PRKX: variants seen among roughly 807,000 people sequenced by gnomAD.
PRKX encodes the protein protein kinase cAMP-dependent X-linked catalytic subunit.
Under a neutral mutation model 22.0 loss-of-function variants are expected in PRKX, and 12 were observed. The ratio of observed to expected loss-of-function variants is 0.54; its 90% CI spans 0.35 to 0.88. The LOEUF (loss-of-function observed/expected upper bound fraction) is 0.88, where lower values mean the gene tolerates loss of function less well. Among genes scored for constraint, PRKX ranks in the 40% least tolerant of loss-of-function variants. The probability of loss-of-function intolerance (pLI) is 0.01; values close to 1 mark genes in which losing one functional copy is unlikely to be tolerated. For missense variants in PRKX, 217 were observed against 308.0 expected, an observed-to-expected ratio of 0.70 and a Z score of 2.21; for synonymous variants, 134 against 137.7, an observed-to-expected ratio of 0.97 and a Z score of 0.19.
At chrX:3,632,148 C>T (rs1364117394) in intron 4 of PRKX, among the ~76,000 whole-genome samples, 1 of 112,106 alleles carries the variant, frequency 8.9e-6, no homozygotes, top group African/African-American at 3.2e-5. Context: ...GTGGCCCTAA[C>T]ACAGCATTTC....
chrX:3,634,112 C>CGTGT (rs1926840199), intron 4 of PRKX, among the ~76,000 whole-genome samples: 1 of 107,950 alleles, frequency 9.3e-6, no homozygotes, highest in South Asian at 4.1e-4. Flanking sequence ...TAGCCAGGCA[C>CGTGT]GGTGGCACGC....
At chrX:3,651,013 C>T (rs1461637999) in intron 3 of PRKX, among the ~76,000 whole-genome samples, 1 of 109,141 alleles carries the variant, frequency 9.2e-6, no homozygotes, top group Non-Finnish European at 1.9e-5. Context: ...TGTTTGAATC[C>T]TGAATCAGAG....
At chrX:3,646,299 AAG>A (rs61244362) in intron 3 of PRKX, among the ~76,000 whole-genome samples, 1 of 110,748 alleles carries the variant, frequency 9.0e-6, no homozygotes, top group South Asian at 3.8e-4. Flanking sequence ...CTCAAAAAAA[AAG>A]AGAGAGAGAC....
intron 1 of PRKX, among the ~76,000 whole-genome samples, chrX:3,685,531 C>G (rs1430599013): frequency 3.6e-5 from 4 of 111,181 alleles, no homozygotes; most frequent in Non-Finnish European, 5.6e-5. Context: ...GCACATCACA[C>G]AGAATAATAA....
In PRKX at chrX:3,621,276, G is replaced by C. The variant is rs746309565; in HGVS notation, c.856C>G (p.Arg286Gly). ...ATACTGACCTTCATGTTTCCTAATC[G>C]CCTTGTTCTGTCAACCACGAGCAGT... ...KKLLVVDRTR[R>G]LGNMKNGAND... is the part of the protein sequence containing the mutation. The change falls in exon 6 of 9, where the codon CGA (arginine) becomes GGA (glycine). Residue 286 changes from arginine (R) to glycine (G), a missense_variant. Transcript: ENST00000262848. 8.3e-7 allele frequency: 1 copy of C among 1,207,596 alleles called. No homozygotes were observed. The highest frequency in any genetic ancestry group is 1.1e-6 in the Non-Finnish European group (1 of 893,443).
At chrX:3,632,599 T>C (rs1304470603) in intron 4 of PRKX, among the ~76,000 whole-genome samples, 1 of 111,574 alleles carries the variant, frequency 9.0e-6, no homozygotes, top group Non-Finnish European at 1.9e-5. Flanking sequence ...CATAAGATCA[T>C]GGGAAAGGTA....
chrX:3,670,056 G>A (rs1204626200), intron 2 of PRKX: 1 of 123,819 alleles, frequency 8.1e-6, no homozygotes, highest in East Asian at 2.8e-4. Context: ...CCCCACCCCA[G>A]AGACTCCTCC....
chrX:3,691,163 C>T (rs777420511), intron 1 of PRKX, among the ~76,000 whole-genome samples: 2 of 111,660 alleles, frequency 1.8e-5, no homozygotes, highest in South Asian at 3.7e-4. Context: ...GCGGGAGTTA[C>T]GTGCTGCAGA....
chrX:3,709,267 T>C (rs1193689054), intron 1 of PRKX, among the ~76,000 whole-genome samples: 1 of 110,198 alleles, frequency 9.1e-6, no homozygotes, highest in Non-Finnish European at 1.9e-5. Context: ...GGTTCTGATA[T>C]TGTCCCACGG....
intron 1 of PRKX, among the ~76,000 whole-genome samples, chrX:3,711,186 C>T (rs759791433): frequency 9.1e-6 from 1 of 110,485 alleles, no homozygotes; most frequent in African/African-American, 3.3e-5. Flanking sequence ...CCCCTGGGTC[C>T]TGGTCCCCTG....
chrX:3,709,731 C>T (rs1475922229), intron 1 of PRKX, among the ~76,000 whole-genome samples: 1 of 111,855 alleles, frequency 8.9e-6, no homozygotes, highest in Non-Finnish European at 1.9e-5. Flanking sequence ...TAGATGGCTG[C>T]ACAGATTCAT....
In PRKX at chrX:3,634,127, G is replaced by A. The variant is rs372453565; in HGVS notation, c.720-7613C>T. Among the ~76,000 whole-genome samples, 24 of 107,998 alleles carry A rather than the reference G, an allele frequency of 2.2e-4. No homozygotes were observed. In the East Asian group the frequency reaches 5.3e-3, roughly 24 times the overall value. 93.8% of individuals were successfully genotyped at this position (107,998 alleles called of 115,157 possible). Reference sequence around the variant, plus strand: ...TAGCCAGGCACGGTGGCACGCACCTGTAACCCCAGCTACTCGGCAGGCTGA... The same window carrying A: ...TAGCCAGGCACGGTGGCACGCACCTATAACCCCAGCTACTCGGCAGGCTGA... On this transcript the variant is annotated intron_variant, in intron 4 of 8. Coordinates refer to ENST00000262848, the MANE Select transcript of PRKX (RefSeq NM_005044.5).
At chrX:3,687,161 A>G (rs1928194747) in intron 1 of PRKX, among the ~76,000 whole-genome samples, 1 of 111,164 alleles carries the variant, frequency 9.0e-6, no homozygotes. Context: ...CTGGTACTAC[A>G]GGCATGCGCC....
chrX:3,631,991 A>G (rs1453770749), intron 4 of PRKX, among the ~76,000 whole-genome samples: 48 of 112,343 alleles, frequency 4.3e-4, no homozygotes, highest in African/African-American at 1.5e-3. Flanking sequence ...AATACACTGC[A>G]GTGGAGAAAA....
chrX:3,694,884 C>G (rs765411837), intron 1 of PRKX, among the ~76,000 whole-genome samples: 1 of 109,919 alleles, frequency 9.1e-6, no homozygotes, highest in Non-Finnish European at 1.9e-5. Context: ...CCCCAGGAGC[C>G]GGGAGAGGCA....
intron 1 of PRKX, among the ~76,000 whole-genome samples, chrX:3,687,124 A>G (rs1211313757): frequency 9.0e-6 from 1 of 111,353 alleles, no homozygotes; most frequent in African/African-American, 3.3e-5. Context: ...GGCTCAAGCC[A>G]TCAGCCCACC....
At chrX:3,629,371 G>A (rs1430314438) in intron 4 of PRKX, among the ~76,000 whole-genome samples, 1 of 108,817 alleles carries the variant, frequency 9.2e-6, no homozygotes, top group African/African-American at 3.3e-5. Context: ...TCAGCCTCCT[G>A]AGCAGCTGGG....
At chrX:3,676,457 T>A (rs1304766085) in intron 1 of PRKX, among the ~76,000 whole-genome samples, 89 of 111,677 alleles carry the variant, frequency 8.0e-4, no homozygotes, top group Non-Finnish European at 4.5e-4. Context: ...GACAGCACTA[T>A]TCACAACAGC....
intron 1 of PRKX, among the ~76,000 whole-genome samples, chrX:3,680,352 C>T (rs1405872130): frequency 9.0e-6 from 1 of 110,703 alleles, no homozygotes; most frequent in African/African-American, 3.3e-5. Context: ...CCATGTTGGC[C>T]AGGCTGGTCT....
Sources: allele counts gnomAD v4.1 joint callset (sites outside exome capture counted in the v4.1 genomes callset), GRCh38; gene constraint gnomAD v4.1.1; transcripts MANE v1.5; gene names NCBI Gene and HGNC (gene_info 2026-07-23, HGNC 2026-07-21).